MYO9A: variants seen among roughly 807,000 people sequenced by gnomAD.
MYO9A encodes myosin IXA.
Under a neutral mutation model 293.3 loss-of-function variants are expected in MYO9A, and 103 were observed. That is an observed-to-expected ratio of 0.35 (90% confidence interval 0.30 to 0.41). MYO9A has a LOEUF of 0.41. Among genes scored for constraint, MYO9A ranks in the 10% least tolerant of loss-of-function variants. The pLI is 1.00. For synonymous variants in MYO9A, 1,001 were observed against 1,035.7 expected (o/e 0.97, Z 0.64); for missense variants, 2,685 against 3,033.0 (o/e 0.89, Z 2.69).
Position 72,068,533 on chromosome 15 carries a change from A to G in MYO9A, c.-71-21899T>C, listed in dbSNP as rs8031468. Among the ~76,000 whole-genome samples, 252 of 149,086 alleles carry G rather than the reference A, an allele frequency of 1.7e-3. 1 individual carries two copies. Among genetic ancestry groups the G allele is most frequent in the African/African-American group, 6.0e-3 (243 of 40,398 alleles). On this transcript the variant is annotated intron_variant, in intron 1 of 41. Coordinates refer to ENST00000356056, the MANE Select transcript of MYO9A (RefSeq NM_006901.4). ...GGGACAGGGTCTCATTCTGTTGCCC[A>G]TGGCTCACTGCAGCCTTGATCTTCC...
At chr15:72,005,742 T>G (rs1381631181) in intron 8 of MYO9A, among the ~76,000 whole-genome samples, 1 of 152,214 alleles carries the variant, frequency 6.6e-6, no homozygotes. Context: ...AGGTATCTAT[T>G]GCTCTCAAAG....
chr15:71,977,972 G>C (rs2076184305), intron 12 of MYO9A, among the ~76,000 whole-genome samples, 199 bp downstream of exon 12: 1 of 152,160 alleles, frequency 6.6e-6, no homozygotes, highest in South Asian at 2.1e-4. Flanking sequence ...AGGAGGTGGA[G>C]GTTGCAATGA....
At chr15:71,907,005 C>T (rs957225007) in intron 19 of MYO9A, among the ~76,000 whole-genome samples, 3 of 148,906 alleles carry the variant, frequency 2.0e-5, no homozygotes, top group African/African-American at 7.5e-5. Context: ...AGGTTAGTTA[C>T]ATATGTATAC....
intron 31 of MYO9A, among the ~76,000 whole-genome samples, chr15:71,877,393 G>C (rs1049177524): frequency 3.3e-5 from 5 of 152,082 alleles, no homozygotes; most frequent in African/African-American, 1.2e-4. Context: ...TTTTTATAAA[G>C]AGGCCACTGG....
chr15:72,018,744 AATG>A (rs1342699322), intron 6 of MYO9A, among the ~76,000 whole-genome samples: 1 of 152,234 alleles, frequency 6.6e-6, no homozygotes, highest in East Asian at 1.9e-4. Context: ...AATCCACAGC[AATG>A]ATGAAGAATC....
intron 12 of MYO9A, 134 bp downstream of exon 12, chr15:71,978,037 A>T (rs2076186151): frequency 1.9e-6 from 2 of 1,059,618 alleles, no homozygotes; most frequent in African/African-American, 3.3e-5. Flanking sequence ...ACTCCGTCTC[A>T]AAAATAAATA....
intron 39 of MYO9A, among the ~76,000 whole-genome samples, chr15:71,830,973 CTTTTTTTTT>C (rs67440366): frequency 9.7e-6 from 1 of 103,080 alleles, no homozygotes; most frequent in Admixed American, 1.1e-4. Context: ...CTGCTTCTTC[CTTTTTTTTT>C]TTTTTTTTTT....
rs2054498491 is a variant in MYO9A, at chr15:71,826,289, T to TC, written c.*290_*291insG. On this transcript the variant is annotated 3_prime_UTR_variant, in exon 42 of 42. Coordinates refer to ENST00000356056, the MANE Select transcript of MYO9A (RefSeq NM_006901.4). Reference sequence around the variant, plus strand: ...CCACCTTTGGGAAGGGAAAAGAGGGTGGGGGAGAGGCAACTACAACTGACC... The same window carrying TC: ...CCACCTTTGGGAAGGGAAAAGAGGGTCGGGGGAGAGGCAACTACAACTGACC... The TC allele has an allele frequency of 3.2e-6, 1 of 312,202 alleles. No homozygotes were observed. The highest frequency in any genetic ancestry group is 2.2e-5 in the African/African-American group (1 of 46,146). 19.3% of individuals were successfully genotyped at this position (312,202 alleles called of 1,614,324 possible).
At chr15:72,027,696 T>A in intron 4 of MYO9A, 35 bp downstream of exon 4, 1 of 1,520,922 alleles carries the variant, frequency 6.6e-7, no homozygotes, top group Non-Finnish European at 9.0e-7. Context: ...ATACAAATGT[T>A]AACTTCATCT....
In MYO9A at chr15:72,018,998, C is replaced by A. The variant is rs771988993; in HGVS notation, c.1155+41G>T. ...GGATGCAAATGCGCAATGTGAGGAC[C>A]CTTTGACAGAAACACAGAATATTTA... On this transcript the variant is annotated intron_variant, in intron 6 of 41. Transcript: ENST00000356056. 3.2e-6 allele frequency: 5 copies of A among 1,541,142 alleles called. No individual in the cohort carries two copies. In the Admixed American group the frequency reaches 8.4e-5, roughly 26 times the overall value.
intron 3 of MYO9A, 59 bp downstream of exon 3, chr15:72,032,435 G>T: frequency 8.9e-7 from 1 of 1,120,492 alleles, no homozygotes; most frequent in Non-Finnish European, 1.3e-6. Context: ...TTATAAAAGG[G>T]TAAAGACAAA....
chr15:72,014,768 A>AAG (rs927799407), intron 6 of MYO9A, among the ~76,000 whole-genome samples: 3 of 147,832 alleles, frequency 2.0e-5, no homozygotes, highest in African/African-American at 7.3e-5. Flanking sequence ...GAAAGAAAGA[A>AAG]AGAGAAAGAA....
rs376629793 is a variant in MYO9A, at chr15:71,902,970, G to T, written c.2971C>A (p.Pro991Thr). ...GTTTTTCCAACTTGATAATTATCTGGATTAAGATTTATTTTCCTGAAGAAA... is the reference window on the plus strand; with the variant it reads ...GTTTTTCCAACTTGATAATTATCTGTATTAAGATTTATTTTCCTGAAGAAA... ...QDFFRKINLN[P>T]DNYQVGKTMV... is the part of the protein sequence containing the mutation. The change falls in exon 22 of 42, where the codon CCA (proline) becomes ACA (threonine). Residue 991 changes from proline to threonine, a missense_variant. Physicochemically the swap from Pro to Thr is conservative, Grantham distance 38. Around this residue, in one of 10 missense-constraint regions of MYO9A, gnomAD observed 1,434 missense variants for 1,497.7 expected, o/e 0.96. Coordinates refer to ENST00000356056, the MANE Select transcript of MYO9A (RefSeq NM_006901.4). 1.3e-6 allele frequency: 2 copies of T among 1,585,706 alleles called. No individual in the cohort carries two copies. The highest frequency in any genetic ancestry group is 1.7e-5 in the Admixed American group (1 of 59,260).
intron 25 of MYO9A, among the ~76,000 whole-genome samples, chr15:71,896,461 C>T (rs867048438): frequency 1.1e-4 from 16 of 151,936 alleles, no homozygotes; most frequent in African/African-American, 3.1e-4. Flanking sequence ...CTCATGACTA[C>T]CTCTAGTTTA....
Position 71,978,329 on chromosome 15 carries a change from T to A in MYO9A, c.1723-37A>T, listed in dbSNP as rs778409802. On this transcript the variant is annotated intron_variant, in intron 11 of 41. Coordinates refer to ENST00000356056, the MANE Select transcript of MYO9A (RefSeq NM_006901.4). ...AAAAAATAAAATAACAATTTATTCA[T>A]CTTGCAGAAAATAGGTATATAATAT... The A allele has an allele frequency of 8.3e-6, 13 of 1,567,768 alleles. No homozygotes were observed. In the Admixed American group the frequency reaches 2.2e-4, roughly 27 times the overall value.
At chr15:71,837,007 T>C (rs780068038) in intron 39 of MYO9A, among the ~76,000 whole-genome samples, 9 of 152,096 alleles carry the variant, frequency 5.9e-5, no homozygotes, top group Non-Finnish European at 8.8e-5. Context: ...TTTGTTGTTA[T>C]GTATGTGTTG....
At chr15:71,989,128 C>T (rs780892045) in intron 11 of MYO9A, among the ~76,000 whole-genome samples, 2 of 152,070 alleles carry the variant, frequency 1.3e-5, no homozygotes, top group Non-Finnish European at 2.9e-5. Flanking sequence ...CTCCTGACCT[C>T]GTCCGCCCAC....
At position 71,823,295 on chromosome 15, in the gene MYO9A, C is replaced by T. The variant is rs1186125727; in HGVS notation, c.*3285G>A. ...AGAACCTTGCTGGACCACATCTTTT[C>T]AGCACATTTCTGTGACCCTCTGTTT... On this transcript the variant is annotated 3_prime_UTR_variant, in exon 42 of 42. Coordinates refer to ENST00000356056, the MANE Select transcript of MYO9A (RefSeq NM_006901.4). The T allele has an allele frequency of 6.6e-6, 1 of 152,236 alleles. No individual in the cohort carries two copies. Among genetic ancestry groups the T allele is most frequent in the African/African-American group, 2.4e-5 (1 of 41,462 alleles). 9.4% of individuals were successfully genotyped at this position (152,236 alleles called of 1,614,324 possible). A position where few individuals can be genotyped will look rare whatever the true frequency, so the allele number is the denominator to read the frequency against.
intron 13 of MYO9A, among the ~76,000 whole-genome samples, chr15:71,962,296 C>T (rs2075765809): frequency 6.6e-6 from 1 of 152,138 alleles, no homozygotes; most frequent in Non-Finnish European, 1.5e-5. Context: ...ATCTCTAACT[C>T]AGAATTCTAT....
Sources: allele counts gnomAD v4.1 joint callset (sites outside exome capture counted in the v4.1 genomes callset), GRCh38; gene constraint gnomAD v4.1.1; regional missense constraint gnomAD v4.1.1; transcripts MANE v1.5; gene names NCBI Gene and HGNC (gene_info 2026-07-23, HGNC 2026-07-21).